The following ARMC9 variants were observed in gnomAD, a reference collection of about 807,000 sequenced individuals.
ARMC9 encodes the protein armadillo repeat containing 9, also known as lisH domain-containing protein ARMC9.
Under a neutral mutation model 107.0 loss-of-function variants are expected in ARMC9, and 94 were observed. The observed-to-expected ratio is 0.88, with a 90% CI of 0.74 to 1.04. The LOEUF is 1.04. Ranked by LOEUF, ARMC9 falls within the 50% of genes least tolerant of loss-of-function variation. The pLI, the probability that ARMC9 is intolerant of heterozygous loss-of-function variation, is 0.00. For synonymous variants in ARMC9, 380 were observed against 396.9 expected (o/e 0.96, Z 0.51); for missense variants, 942 against 1,030.1 (o/e 0.91, Z 1.17).
intron 5 of ARMC9, among the ~76,000 whole-genome samples, chr2:231,221,053 G>T (rs1252222475): frequency 6.6e-6 from 1 of 152,218 alleles, no homozygotes; most frequent in Non-Finnish European, 1.5e-5. Context: ...AAGTACCACA[G>T]GCCAGATGCC....
At chr2:231,244,515 A>C (rs560268710) in intron 9 of ARMC9, among the ~76,000 whole-genome samples, 40 of 152,120 alleles carry the variant, frequency 2.6e-4, no homozygotes, top group Non-Finnish European at 5.1e-4. Flanking sequence ...ATGGGCCTGC[A>C]CCACCATGCC....
At chr2:231,279,533 CAG>C (rs1158421731) in intron 16 of ARMC9, among the ~76,000 whole-genome samples, 1 of 124,356 alleles carries the variant, frequency 8.0e-6, no homozygotes, top group African/African-American at 3.2e-5. Flanking sequence ...TTTTTTGAGA[CAG>C]AGTCTCACTC....
intron 19 of ARMC9, among the ~76,000 whole-genome samples, chr2:231,324,900 C>G (rs929832707): frequency 2.6e-5 from 4 of 151,998 alleles, no homozygotes; most frequent in Admixed American, 2.6e-4. Context: ...ATAGCAAAAC[C>G]CCATCTCAAA....
chr2:231,285,004 C>G (rs561187660), intron 17 of ARMC9, among the ~76,000 whole-genome samples: 1 of 152,242 alleles, frequency 6.6e-6, no homozygotes, highest in South Asian at 2.1e-4. Flanking sequence ...TTGAGACCAG[C>G]CTGGCCAACT....
chr2:231,207,127 C>T (rs781081678), intron 2 of ARMC9, among the ~76,000 whole-genome samples: 12 of 152,166 alleles, frequency 7.9e-5, no homozygotes, highest in Non-Finnish European at 1.8e-4. Context: ...GCCTCAGCCT[C>T]CTGGGTAGCT....
chr2:231,226,048 G>A (rs1729078), intron 6 of ARMC9, among the ~76,000 whole-genome samples: 1 of 152,130 alleles, frequency 6.6e-6, no homozygotes, highest in Non-Finnish European at 1.5e-5. Context: ...GCAGAGACAG[G>A]GTTTTGCCAT....
At chr2:231,319,003 G>A (rs776525782) in intron 19 of ARMC9, among the ~76,000 whole-genome samples, 1 of 152,172 alleles carries the variant, frequency 6.6e-6, no homozygotes, top group Non-Finnish European at 1.5e-5. Context: ...TGAGGCAGAA[G>A]CATATTGGGG....
At chr2:231,243,696 T>C (rs929153263) in intron 9 of ARMC9, among the ~76,000 whole-genome samples, 1 of 152,254 alleles carries the variant, frequency 6.6e-6, no homozygotes. Context: ...TTACTGTTTC[T>C]AGCCGATTTC....
At position 231,254,293 on chromosome 2, in the gene ARMC9, C is replaced by G. The variant is rs139066468; in HGVS notation, c.880-2293C>G. On this transcript the variant is annotated intron_variant, in intron 9 of 24. Coordinates refer to ENST00000611582, the MANE Select transcript of ARMC9 (RefSeq NM_001352754.2). ...ATCACATAAGGCATGAAGGCAAAGT[C>G]AAAAAGCAGGTAATGTCTATGAAAA... Among the ~76,000 whole-genome samples, 250 of 152,094 alleles carry G rather than the reference C, an allele frequency of 1.6e-3. 1 individual carries two copies. The highest frequency in any genetic ancestry group is 5.8e-3 in the African/African-American group (240 of 41,510).
In ARMC9 at chr2:231,297,544, G is replaced by A. The variant is rs994752475; in HGVS notation, c.1773+1291G>A. ...GTCAGCAGTACATAAGTGGCTGAAC[G>A]TGGCTGTGTTCCTGTAAAACTATTT... On this transcript the variant is annotated intron_variant, in intron 19 of 24. Transcript: ENST00000611582. The surrounding 1 kb of genome is among the most constrained non-coding windows in gnomAD (Gnocchi z 4.2). Among the ~76,000 whole-genome samples, 1 of 152,234 alleles carries A rather than the reference G, an allele frequency of 6.6e-6. No homozygotes were observed. Among genetic ancestry groups the A allele is most frequent in the African/African-American group, 2.4e-5 (1 of 41,458 alleles).
intron 9 of ARMC9, among the ~76,000 whole-genome samples, chr2:231,251,131 G>A (rs1287534323): frequency 1.3e-5 from 2 of 152,086 alleles, no homozygotes; most frequent in Non-Finnish European, 2.9e-5. Context: ...GAGATGTAGA[G>A]AGTGAAGAGG....
At chr2:231,230,635 C>A (rs1409271168) in intron 7 of ARMC9, among the ~76,000 whole-genome samples, 1 of 152,016 alleles carries the variant, frequency 6.6e-6, no homozygotes, top group South Asian at 2.1e-4. Context: ...CTTCCAGGAC[C>A]CCCACAGATA....
intron 19 of ARMC9, among the ~76,000 whole-genome samples, chr2:231,324,759 C>A (rs146223985): frequency 6.6e-5 from 10 of 151,594 alleles, no homozygotes; most frequent in East Asian, 3.9e-4. Flanking sequence ...AGATAACTAA[C>A]TAAATAAATA....
chr2:231,331,901 A>G lies in ARMC9; in HGVS notation c.1878+4A>G. On this transcript the variant is annotated splice_donor_region_variant and intron_variant, in intron 20 of 24. Coordinates refer to ENST00000611582, the MANE Select transcript of ARMC9 (RefSeq NM_001352754.2). Reference sequence around the variant, plus strand: ...TCTGACCACGGAGTACCTGGGGGTAAGTGCCACACAAAGGGTGGGGATCCT... The same window carrying G: ...TCTGACCACGGAGTACCTGGGGGTAGGTGCCACACAAAGGGTGGGGATCCT... 1.2e-6 allele frequency: 2 copies of G among 1,606,954 alleles called. No homozygotes were observed. Among genetic ancestry groups the G allele is most frequent in the South Asian group, 1.1e-5 (1 of 90,674 alleles).
chr2:231,328,374 C>T lies in ARMC9; in HGVS notation c.1774-3419C>T, dbSNP rs576023674. Among the ~76,000 whole-genome samples, 6 of 152,222 alleles carry T rather than the reference C, an allele frequency of 3.9e-5. No homozygotes were observed. In the South Asian group the frequency reaches 1.2e-3, roughly 32 times the overall value. On this transcript the variant is annotated intron_variant, in intron 19 of 24. Transcript: ENST00000611582. ...ACTTTCCTTTTTATCTTCTTAACAG[C>T]GTCTTTTCACCGAACAAGTTTTTAA...
Position 231,256,641 on chromosome 2 carries a change from A to G in ARMC9, c.914+21A>G, listed in dbSNP as rs547395009. The G allele has an allele frequency of 9.9e-6, 16 of 1,610,662 alleles. No individual in the cohort carries two copies. The Admixed American group carries it at 2.5e-4, about 25-fold the overall frequency. ...CCCGTGTAAGTAACTGCTCTTAGGA[A>G]TTTTTATTAAGGAGAACAGCAATGT... On this transcript the variant is annotated intron_variant, in intron 10 of 24. Coordinates refer to ENST00000611582, the MANE Select transcript of ARMC9 (RefSeq NM_001352754.2).
chr2:231,282,829 T>G (rs2040312361), intron 17 of ARMC9, among the ~76,000 whole-genome samples: 1 of 152,218 alleles, frequency 6.6e-6, no homozygotes, highest in South Asian at 2.1e-4. Context: ...CCATTCTATG[T>G]GATCACACTA....
At chr2:231,200,542 C>T (rs1199641114) in intron 1 of ARMC9, among the ~76,000 whole-genome samples, 9 of 152,138 alleles carry the variant, frequency 5.9e-5, no homozygotes, top group African/African-American at 2.2e-4. Context: ...GCGTTGGTGG[C>T]GGACGCCTGT....
chr2:231,227,643 G>T (rs1210292942), intron 7 of ARMC9, among the ~76,000 whole-genome samples: 1 of 152,218 alleles, frequency 6.6e-6, no homozygotes, highest in Non-Finnish European at 1.5e-5. Context: ...TTTAAAGAAA[G>T]GAAGCATTAA....
Sources: gnomAD v4.1 joint callset for allele counts (sites outside exome capture counted in the v4.1 genomes callset) on GRCh38, gnomAD v4.1.1 for gene constraint, Gnocchi (gnomAD v3.1) non-coding constraint, MANE v1.5 for transcripts, NCBI Gene and HGNC (gene_info 2026-07-23, HGNC 2026-07-21) for gene names.